Variants in RNF14 observed in about 807,000 individuals in gnomAD.
The protein encoded by RNF14 is ring finger protein 14.
Under a neutral mutation model 52.6 loss-of-function variants are expected in RNF14, and 26 were observed. The observed-to-expected ratio is 0.49, with a 90% confidence interval of 0.36 to 0.69. RNF14 has a LOEUF of 0.69. Ranked by LOEUF, RNF14 falls within the 30% of genes least tolerant of loss-of-function variation. The probability of loss-of-function intolerance (pLI) is 0.00; values close to 1 mark genes in which losing one functional copy is unlikely to be tolerated. For synonymous variants in RNF14, 194 were observed against 202.0 expected (o/e 0.96, Z 0.34); for missense variants, 404 against 560.4 (o/e 0.72, Z 2.82).
chr5:141,954,632 C>T (rs1291377117), upstream of RNF14, among the ~76,000 whole-genome samples: 1 of 152,170 alleles, frequency 6.6e-6, no homozygotes, highest in African/African-American at 2.4e-5. Context: ...TAATCACTAC[C>T]TTTGCTGTGT....
chr5:141,950,549 A>G, the RNF14 span, among the ~76,000 whole-genome samples: 2 of 152,174 alleles, frequency 1.3e-5, no homozygotes, highest in African/African-American at 4.8e-5. Flanking sequence ...TGAGAAAACC[A>G]AGACTTGTGA....
upstream of RNF14, among the ~76,000 whole-genome samples, chr5:141,963,852 T>C (rs1441441673): frequency 1.3e-5 from 2 of 152,192 alleles, no homozygotes; most frequent in Non-Finnish European, 2.9e-5. Flanking sequence ...TAAATTCTCA[T>C]GGGGCTTCCC....
upstream of RNF14, among the ~76,000 whole-genome samples, chr5:141,965,430 G>A (rs552315105): frequency 9.8e-5 from 15 of 152,326 alleles, no homozygotes; most frequent in East Asian, 2.9e-3. Context: ...CCTGGGGACA[G>A]GGGGTGGGAG....
At chr5:141,984,991 AC>A in intron 8 of RNF14, 58 bp downstream of exon 8, 1 of 1,457,770 alleles carries the variant, frequency 6.9e-7, no homozygotes, top group Non-Finnish European at 9.6e-7. Context: ...TGATTTGCAG[AC>A]CACAAATCCA....
At position 141,977,377 on chromosome 5, in the gene RNF14, G is replaced by A. The variant is rs369750547; in HGVS notation, c.307-926G>A. Among the ~76,000 whole-genome samples the A allele has an allele frequency of 7.2e-5, 11 of 152,254 alleles. No homozygotes were observed. The East Asian group carries it at 2.1e-3, about 29-fold the overall frequency. ...CAGAGTGTAAGAAACAGAAAATCTG[G>A]TCCCTTTTCATTTGTCATTTAAATT... On this transcript the variant is annotated intron_variant, in intron 4 of 8. Coordinates refer to ENST00000394520, the MANE Select transcript of RNF14 (RefSeq NM_004290.5).
chr5:141,971,566 TCTTTCTTTC>T (rs745354159), intron 2 of RNF14, among the ~76,000 whole-genome samples: 5 of 139,936 alleles, frequency 3.6e-5, no homozygotes, highest in South Asian at 2.2e-4. Context: ...AATTTCTTTT[TCTTTCTTTC>T]TTTCTTTCTT....
rs753111266 is a variant in RNF14 at position 141,978,695 on chromosome 5, G to A, written c.699G>A (p.Met233Ile). 1 of 1,614,030 alleles carries A rather than the reference G, an allele frequency of 6.2e-7. No individual in the cohort carries two copies. The highest frequency in any genetic ancestry group is 1.1e-5 in the South Asian group (1 of 91,074). Reference sequence around the variant, plus strand: ...GTGAGAAGCTGGGTAGTGAATGCATGTACTTCTTGGAGTGCAGGCATGTGT... The same window carrying A: ...GTGAGAAGCTGGGTAGTGAATGCATATACTTCTTGGAGTGCAGGCATGTGT... Reference protein sequence around the residue: ...CFCEKLGSECMYFLECRHVYC... With the variant: ...CFCEKLGSECIYFLECRHVYC... Residue 233 changes from methionine (M) to isoleucine (I), a missense_variant, in exon 5 of 9, where the codon ATG (methionine) becomes ATA (isoleucine). Met to Ile is a conservative substitution (Grantham distance 10, BLOSUM62 1). Transcript: ENST00000394520.
At chr5:141,974,327 A>G (rs1334649309) in intron 3 of RNF14, among the ~76,000 whole-genome samples, 1 of 152,236 alleles carries the variant, frequency 6.6e-6, no homozygotes, top group Non-Finnish European at 1.5e-5. Context: ...GCTATATTAT[A>G]TCCTCAAACC....
rs1754490842 is a variant in RNF14 at position 141,978,794 on chromosome 5, A to G, written c.798A>G (p.Pro266=). 1.2e-6 allele frequency: 2 copies of G among 1,613,838 alleles called. No individual in the cohort carries two copies. Among genetic ancestry groups the G allele is most frequent in the South Asian group, 2.2e-5 (2 of 91,080 alleles). The change falls in exon 5 of 9, where the codon CCA becomes CCG. Residue 266 remains proline, a synonymous_variant. Coordinates refer to ENST00000394520, the MANE Select transcript of RNF14 (RefSeq NM_004290.5). ...RDGQVQCLNC[P]EPKCPSVATP... ...GCCAGGTTCAATGCCTCAACTGCCC[A>G]GAACCAAAGTGCCCTTCGGTGGCCA...
At chr5:141,981,279 C>G (rs1406137591) in intron 6 of RNF14, among the ~76,000 whole-genome samples, 1 of 152,104 alleles carries the variant, frequency 6.6e-6, no homozygotes, top group Non-Finnish European at 1.5e-5. Flanking sequence ...AATTTTATGT[C>G]AAATCTAATA....
At chr5:141,957,815 C>A (rs750804892), upstream of RNF14, 20 of 1,601,692 alleles carry the variant, frequency 1.2e-5, no homozygotes, top group African/African-American at 2.7e-5. The surrounding 1 kb of genome is among the most constrained non-coding windows in gnomAD (Gnocchi z 4.3). Context: ...CCACCTGGCC[C>A]CAAAAGCCCC....
chr5:141,982,410 G>A (rs984196082), intron 6 of RNF14, among the ~76,000 whole-genome samples: 2 of 152,172 alleles, frequency 1.3e-5, no homozygotes, highest in Admixed American at 6.5e-5. Context: ...GCAAAGAGTG[G>A]AGATAGGATA....
At chr5:141,967,145 A>G (rs1318196545), upstream of RNF14, among the ~76,000 whole-genome samples, 1 of 152,172 alleles carries the variant, frequency 6.6e-6, no homozygotes, top group Non-Finnish European at 1.5e-5. Context: ...CAGCCAGGTA[A>G]TCCCTTGGGT....
chr5:141,957,846 C>G, upstream of RNF14: 2 of 1,597,446 alleles, frequency 1.3e-6, no homozygotes, highest in South Asian at 2.2e-5. This position sits in a 1 kb window ranked among gnomAD's most constrained non-coding sequence, Gnocchi z 4.3. Context: ...GCAGAAGTTG[C>G]ATCATGCTTA....
Position 141,974,846 on chromosome 5 carries a change from C to T in RNF14, c.197C>T (p.Thr66Ile). 15 of 1,613,976 alleles carry T rather than the reference C, an allele frequency of 9.3e-6. No individual in the cohort carries two copies. The highest frequency in any genetic ancestry group is 1.3e-5 in the Non-Finnish European group (15 of 1,179,918). Reference sequence around the variant, plus strand: ...CTCCAGAATAGTGGCTTTGAATACACCATTTGCTTTCTGCCTCCACTTGTG... The same window carrying T: ...CTCCAGAATAGTGGCTTTGAATACATCATTTGCTTTCTGCCTCCACTTGTG... The part of the protein sequence containing the change: ...ECLQNSGFEY[T>I]ICFLPPLVLN... The change falls in exon 4 of 9, where the codon ACC (threonine) becomes ATC (isoleucine). Residue 66 changes from threonine (T) to isoleucine (I), a missense_variant. By Grantham distance (89) the Thr-to-Ile change is moderately conservative. Coordinates refer to ENST00000394520, the MANE Select transcript of RNF14 (RefSeq NM_004290.5).
At chr5:141,954,189 T>C (rs1753137734), upstream of RNF14, among the ~76,000 whole-genome samples, 3 of 152,188 alleles carry the variant, frequency 2.0e-5, no homozygotes, top group African/African-American at 7.2e-5. Context: ...TGTGTTGAAA[T>C]CTGAACTCCA....
chr5:141,959,406 C>T (rs1420475395), intron 1 of RNF14, among the ~76,000 whole-genome samples: 1 of 152,036 alleles, frequency 6.6e-6, no homozygotes, highest in Non-Finnish European at 1.5e-5. Context: ...TTGAGGTGGC[C>T]TTATTGCTTC....
intron 4 of RNF14, 58 bp downstream of exon 4, chr5:141,975,013 A>C: frequency 6.5e-7 from 1 of 1,538,108 alleles, no homozygotes; most frequent in Non-Finnish European, 8.9e-7. Flanking sequence ...AATCACCTTT[A>C]ATTGAAGACT....
rs912244749 is a variant in RNF14, at chr5:141,988,768, T to A, written c.*978T>A. The A allele has an allele frequency of 1.3e-5, 2 of 152,358 alleles. No individual in the cohort carries two copies. Among genetic ancestry groups the A allele is most frequent in the African/African-American group, 4.8e-5 (2 of 41,452 alleles). The allele number at this position is 152,358 out of a possible 1,614,324, so 9.4% of individuals were successfully genotyped here. A position where few individuals can be genotyped will look rare whatever the true frequency, so the allele number is the denominator to read the frequency against. The stretch of plus-strand genomic sequence containing the variant: ...ATGCATATAGTGACAGTATAACCTG[T>A]CTATACTACAGTAGTTCCAGTCCTA... On this transcript the variant is annotated 3_prime_UTR_variant, in exon 9 of 9. Transcript: ENST00000394520.
Sources: allele counts gnomAD v4.1 joint callset (sites outside exome capture counted in the v4.1 genomes callset), GRCh38; gene constraint gnomAD v4.1.1; non-coding constraint Gnocchi (gnomAD v3.1); transcripts MANE v1.5; gene names NCBI Gene and HGNC (gene_info 2026-07-23, HGNC 2026-07-21).